Variants in AP3M2 observed in about 807,000 individuals in gnomAD.
AP3M2 encodes AP-3 complex subunit mu-2.
A neutral mutation model predicts 41.6 loss-of-function variants in AP3M2; 28 were observed. The observed-to-expected ratio is 0.67, with a 90% CI of 0.50 to 0.92. AP3M2 has a LOEUF of 0.92. AP3M2 is among the 40% of genes least tolerant of loss of function. The pLI, the probability that AP3M2 is intolerant of heterozygous loss-of-function variation, is 0.00. For missense variants in AP3M2, 427 were observed against 521.4 expected (o/e 0.82, Z 1.76); for synonymous variants, 193 against 186.4 (o/e 1.04, Z -0.29).
Position 42,165,328 on chromosome 8 carries a change from T to G in AP3M2, c.670-99T>G, listed in dbSNP as rs574933353. ...TACATGATTTCTGTGTGTGTGTGTG[T>G]GGTGTGTTTTAATTAAAAACAGCAT... On this transcript the variant is annotated intron_variant, in intron 5 of 8. Coordinates refer to ENST00000396926, the MANE Select transcript of AP3M2 (RefSeq NM_006803.4). The G allele has an allele frequency of 5.3e-4, 780 of 1,460,522 alleles. 5 individuals carry two copies. In the African/African-American group the frequency reaches 9.4e-3, roughly 18 times the overall value. The allele number at this position is 1,460,522 out of a possible 1,614,324, so 90.5% of individuals were successfully genotyped here.
intron 1 of AP3M2, chr8:42,153,855 G>A (rs1804280219): frequency 6.6e-6 from 1 of 152,088 alleles, no homozygotes; most frequent in South Asian, 2.1e-4. Context: ...GAATAGCTCT[G>A]ATTGGATGAA....
Position 42,167,643 on chromosome 8 carries a change from C to A in AP3M2, c.1012-23C>A, listed in dbSNP as rs1327071002. 2.5e-6 allele frequency: 4 copies of A among 1,596,082 alleles called. No homozygotes were observed. In the African/African-American group the frequency reaches 5.4e-5, roughly 22 times the overall value. ...TAACTATTTTTTGGAAAGACCACTT[C>A]TCCATTTTTATTTTCTTTGAAGATG... is the stretch of plus-strand genomic sequence containing the variant. On this transcript the variant is annotated intron_variant, in intron 7 of 8. Transcript: ENST00000396926.
Position 42,154,892 on chromosome 8 carries a change from G to T in AP3M2, c.205G>T (p.Val69Leu), listed in dbSNP as rs1344860383. Reference protein sequence around the residue: ...VYRHKIFFVAVIQTEVPPLFV... With the variant: ...VYRHKIFFVALIQTEVPPLFV... ...CCGCCACAAGATCTTTTTTGTGGCC[G>T]TGATCCAGACGGAGGTCCCCCCTCT... is the stretch of plus-strand genomic sequence containing the variant. The change falls in exon 2 of 9, where the codon GTG becomes TTG. Residue 69 changes from valine (V) to leucine (L), a missense_variant. Val to Leu is a conservative substitution (Grantham distance 32). This residue lies in a region of AP3M2 where 104 missense variants were observed against 93.8 expected (regional missense o/e 1.11). Transcript: ENST00000396926. 1.9e-6 allele frequency: 3 copies of T among 1,614,088 alleles called. No individual in the cohort carries two copies. Among genetic ancestry groups the T allele is most frequent in the Non-Finnish European group, 2.5e-6 (3 of 1,180,008 alleles).
chr8:42,158,702 G>C (rs1013995344), intron 3 of AP3M2, among the ~76,000 whole-genome samples: 1 of 151,974 alleles, frequency 6.6e-6, no homozygotes, highest in African/African-American at 2.4e-5. Context: ...ATACAGAAAA[G>C]CACAAAGAAT....
chr8:42,168,536 T>C (rs1417876048), intron 8 of AP3M2, among the ~76,000 whole-genome samples: 1 of 152,240 alleles, frequency 6.6e-6, no homozygotes, highest in African/African-American at 2.4e-5. Context: ...TATAAAATAT[T>C]CTTGGCTTAG....
Position 42,170,269 on chromosome 8 carries a change from TC to T in AP3M2, c.*1209del, listed in dbSNP as rs1804762768. ...TTTCTTTTGTACTCCTATCATGTATTCATTAATATCTACCAGTCCCTTTTCA... is the reference window on the plus strand; with the variant it reads ...TTTCTTTTGTACTCCTATCATGTATTATTAATATCTACCAGTCCCTTTTCA... On this transcript the variant is annotated 3_prime_UTR_variant, in exon 9 of 9. Transcript: ENST00000396926. 1 of 152,230 alleles carries T rather than the reference TC, an allele frequency of 6.6e-6. No individual in the cohort carries two copies. Among genetic ancestry groups the T allele is most frequent in the African/African-American group, 2.4e-5 (1 of 41,456 alleles). The allele number at this position is 152,230 out of a possible 1,614,324, so 9.4% of individuals were successfully genotyped here.
chr8:42,156,486 G>A (rs1255644523), intron 2 of AP3M2, among the ~76,000 whole-genome samples: 3 of 152,166 alleles, frequency 2.0e-5, no homozygotes, highest in Non-Finnish European at 4.4e-5. Flanking sequence ...GCACTTGGCT[G>A]TATTGCGAGG....
rs1804313416 is a variant in AP3M2, at chr8:42,154,857, T to C, written c.170T>C (p.Leu57Ser). Residue 57 changes from leucine (L) to serine (S), a missense_variant, in exon 2 of 9, where the codon TTA becomes TCA. Coordinates refer to ENST00000396926, the MANE Select transcript of AP3M2 (RefSeq NM_006803.4). ...ATCCCTACCCCTCACCACTATCTCT[T>C]AAGTGTTTACCGCCACAAGATCTTT... ...PVIPTPHHYL[L>S]SVYRHKIFFV... 1 of 1,614,048 alleles carries C rather than the reference T, an allele frequency of 6.2e-7. No homozygotes were observed.
rs1804402313 is a variant in AP3M2, at chr8:42,157,981, A to G, written c.314A>G (p.Asn105Ser). Reference protein sequence around the residue: ...GVCSEPVIKDNVVVVYEVLEE... With the variant: ...GVCSEPVIKDSVVVVYEVLEE... ...TGTTCAGAGCCAGTGATCAAAGACA[A>G]TGTAGTTGTGGTTTATGAGGTATTG... Residue 105 changes from asparagine (N) to serine (S), a missense_variant, in exon 3 of 9, where the codon AAT (asparagine) becomes AGT (serine). Asn to Ser is a conservative substitution (Grantham distance 46). Around this residue, in one of 3 missense-constraint regions of AP3M2, gnomAD observed 86 missense variants for 142.6 expected, o/e 0.60. Transcript: ENST00000396926. The G allele has an allele frequency of 1.2e-6, 2 of 1,614,182 alleles. No individual in the cohort carries two copies. Among genetic ancestry groups the G allele is most frequent in the Non-Finnish European group, 1.7e-6 (2 of 1,180,022 alleles).
At chr8:42,163,383 T>C (rs1434647122) in intron 4 of AP3M2, among the ~76,000 whole-genome samples, 2 of 152,240 alleles carry the variant, frequency 1.3e-5, no homozygotes, top group Non-Finnish European at 2.9e-5. Flanking sequence ...ACTTGCATCA[T>C]AGCACAGTGC....
intron 3 of AP3M2, among the ~76,000 whole-genome samples, chr8:42,160,018 G>A (rs1485661009): frequency 6.6e-6 from 1 of 152,128 alleles, no homozygotes; most frequent in Non-Finnish European, 1.5e-5. Flanking sequence ...AAGATAAAAT[G>A]TGTCCTACCA....
intron 6 of AP3M2, chr8:42,166,850 A>G (rs1397332953): frequency 6.4e-6 from 2 of 313,660 alleles, no homozygotes; most frequent in African/African-American, 2.1e-5. Flanking sequence ...GTCACATGTT[A>G]CAAGTTAAAA....
intron 6 of AP3M2, 87 bp from the exon 7 acceptor site, chr8:42,167,077 C>G (rs1006172348): frequency 8.4e-7 from 1 of 1,195,252 alleles, no homozygotes; most frequent in African/African-American, 1.5e-5. Context: ...AGAAGCTACC[C>G]ACAGGGCAGA....
intron 2 of AP3M2, among the ~76,000 whole-genome samples, chr8:42,157,634 C>CAT (rs10651528): frequency 0.46 from 70,407 of 151,924 alleles, 16,514 homozygotes; most frequent in African/African-American, 0.54. Flanking sequence ...TTGATAAGCA[C>CAT]ATAATCAAGA....
In AP3M2 at chr8:42,166,591, CAAAAAAA is replaced by C. The variant is rs56858276; in HGVS notation, c.804-560_804-554del. On this transcript the variant is annotated intron_variant, in intron 6 of 8. Coordinates refer to ENST00000396926, the MANE Select transcript of AP3M2 (RefSeq NM_006803.4). ...GCAACATGGCCAAACCTTGTCTCTA[CAAAAAAA>C]AAAAAAAAAAAAGTAAAAATTAGCG... is the stretch of plus-strand genomic sequence containing the variant. Among the ~76,000 whole-genome samples the C allele has an allele frequency of 3.8e-4, 29 of 77,082 alleles. 1 individual carries two copies. The highest frequency in any genetic ancestry group is 6.9e-4 in the African/African-American group (13 of 18,748). The allele number at this position is 77,082 out of a possible 152,430, so 50.6% of individuals were successfully genotyped here.
intron 2 of AP3M2, among the ~76,000 whole-genome samples, chr8:42,156,242 T>C (rs1377706199): frequency 6.6e-6 from 1 of 152,224 alleles, no homozygotes; most frequent in African/African-American, 2.4e-5. Context: ...GAAGAGTTGT[T>C]TGATCTAGTT....
chr8:42,168,744 AG>A (rs1804706675), intron 8 of AP3M2, among the ~76,000 whole-genome samples: 1 of 152,118 alleles, frequency 6.6e-6, no homozygotes, highest in Non-Finnish European at 1.5e-5. Context: ...TTTCCACTTC[AG>A]GGACAGGTCT....
At chr8:42,168,189 GT>G (rs1330268516) in intron 8 of AP3M2, 1 of 464,082 alleles carries the variant, frequency 2.2e-6, no homozygotes, top group African/African-American at 2.0e-5. Flanking sequence ...CCTTTCTTCT[GT>G]TTTCAGAAGA....
At chr8:42,159,608 T>C (rs868804976) in intron 3 of AP3M2, among the ~76,000 whole-genome samples, 13 of 152,346 alleles carry the variant, frequency 8.5e-5, no homozygotes, top group South Asian at 2.1e-4. Context: ...TGGGAGATCT[T>C]TATGTCTTTT....
Sources: allele counts gnomAD v4.1 joint callset (sites outside exome capture counted in the v4.1 genomes callset), GRCh38; gene constraint gnomAD v4.1.1; regional missense constraint gnomAD v4.1.1; transcripts MANE v1.5; gene names NCBI Gene and HGNC (gene_info 2026-07-23, HGNC 2026-07-21).